SLC9C2: variants seen among roughly 807,000 people sequenced by gnomAD.
The protein encoded by SLC9C2 is sodium/hydrogen exchanger 11.
A neutral mutation model predicts 140.2 loss-of-function variants in SLC9C2; 75 were observed. The observed-to-expected ratio is 0.53, with a 90% CI of 0.44 to 0.65. SLC9C2 has a LOEUF of 0.65. Among genes scored for constraint, SLC9C2 ranks in the 30% least tolerant of loss-of-function variants. The pLI is 0.00. For synonymous variants in SLC9C2, 375 were observed against 420.9 expected (o/e 0.89, Z 1.34); for missense variants, 1,074 against 1,331.8 (o/e 0.81, Z 3.01).
chr1:173,588,979 G>C (rs1453365048), intron 4 of SLC9C2, among the ~76,000 whole-genome samples: 1 of 152,172 alleles, frequency 6.6e-6, no homozygotes, highest in African/African-American at 2.4e-5. Flanking sequence ...TCAGGAAACT[G>C]AGGTGGGAGG....
rs374156893 is a variant in SLC9C2 at position 173,536,927 on chromosome 1, A to T, written c.1655+15T>A. 6.4e-7 allele frequency: 1 copy of T among 1,563,900 alleles called. No homozygotes were observed. Among genetic ancestry groups the T allele is most frequent in the African/African-American group, 1.4e-5 (1 of 73,734 alleles). ...TCAATTTTGGAAATATCAATTAAAG[A>T]AGTGTTATACTTACTTTCCTTGGAT... is the stretch of plus-strand genomic sequence containing the variant. On this transcript the variant is annotated intron_variant, in intron 14 of 27. Coordinates refer to ENST00000367714, the MANE Select transcript of SLC9C2 (RefSeq NM_178527.4).
intron 4 of SLC9C2, among the ~76,000 whole-genome samples, chr1:173,595,181 T>G (rs1198667867): frequency 1.3e-5 from 2 of 152,164 alleles, no homozygotes; most frequent in Non-Finnish European, 2.9e-5. Flanking sequence ...CCTCAAGTAA[T>G]CCTAAATCCA....
At chr1:173,534,975 A>T (rs1238906717) in intron 15 of SLC9C2, among the ~76,000 whole-genome samples, 1 of 151,998 alleles carries the variant, frequency 6.6e-6, no homozygotes, top group Non-Finnish European at 1.5e-5. Flanking sequence ...AAACAAATAA[A>T]TTTAGAGGAA....
At position 173,509,639 on chromosome 1, in the gene SLC9C2, C is replaced by A. The variant is rs1659901094; in HGVS notation, c.2968G>T (p.Glu990Ter). 1 of 1,595,848 alleles carries A rather than the reference C, an allele frequency of 6.3e-7. No individual in the cohort carries two copies. Among genetic ancestry groups the A allele is most frequent in the African/African-American group, 1.4e-5 (1 of 73,296 alleles). Residue 990 changes from glutamate to a stop codon, truncating the protein, a stop_gained, in exon 24 of 28, where the codon GAA (glutamate) becomes TAA (stop). Transcript: ENST00000367714. LOFTEE classifies it high-confidence loss of function. The part of the protein sequence containing the change: ...EGFDAFWPSL[E>*]YKIWLKLALS... ...GCAAGCTTTAGCCATATTTTATATTCCAGAGATGGCCAGAAGGCATCAAAG... is the reference window on the plus strand; with the variant it reads ...GCAAGCTTTAGCCATATTTTATATTACAGAGATGGCCAGAAGGCATCAAAG...
intron 11 of SLC9C2, 35 bp downstream of exon 11, chr1:173,554,698 C>T: frequency 1.5e-6 from 2 of 1,328,564 alleles, no homozygotes; most frequent in Admixed American, 1.7e-5. Flanking sequence ...GTATTATTCT[C>T]CCCAGCTAAT....
intron 23 of SLC9C2, among the ~76,000 whole-genome samples, chr1:173,512,938 T>A (rs1333228632): frequency 6.6e-6 from 1 of 152,264 alleles, no homozygotes; most frequent in Non-Finnish European, 1.5e-5. Context: ...TCTGTTTATC[T>A]GATGGATTAT....
chr1:173,503,246 C>T lies in SLC9C2; in HGVS notation c.3371+20G>A. The T allele has an allele frequency of 5.0e-6, 8 of 1,603,406 alleles. No homozygotes were observed. Among genetic ancestry groups the T allele is most frequent in the Non-Finnish European group, 6.0e-6 (7 of 1,173,182 alleles). ...ATTTGCAATAAGAAAAAATTCTAAT[C>T]AAAGTGTCAAGTTTATTACCTCATC... On this transcript the variant is annotated intron_variant, in intron 27 of 27. Coordinates refer to ENST00000367714, the MANE Select transcript of SLC9C2 (RefSeq NM_178527.4).
chr1:173,552,743 G>T (rs1041435636), intron 11 of SLC9C2, among the ~76,000 whole-genome samples: 1 of 152,176 alleles, frequency 6.6e-6, no homozygotes, highest in Admixed American at 6.5e-5. Flanking sequence ...ACTTAGTCAT[G>T]CAAGAGCTCT....
intron 13 of SLC9C2, among the ~76,000 whole-genome samples, chr1:173,545,180 T>TCTGATA (rs1487211921): frequency 6.6e-6 from 1 of 152,194 alleles, no homozygotes; most frequent in Non-Finnish European, 1.5e-5. Context: ...ATCTGCATTG[T>TCTGATA]CTGATACAGT....
intron 26 of SLC9C2, among the ~76,000 whole-genome samples, chr1:173,504,209 T>G (rs1659472930): frequency 6.6e-6 from 1 of 152,164 alleles, no homozygotes; most frequent in Admixed American, 6.5e-5. Context: ...ATCACAGTGC[T>G]GCATATGACC....
At chr1:173,503,520 C>T (rs950276161) in intron 26 of SLC9C2, among the ~76,000 whole-genome samples, 194 bp from the exon 27 acceptor site, 1 of 152,160 alleles carries the variant, frequency 6.6e-6, no homozygotes, top group Non-Finnish European at 1.5e-5. Flanking sequence ...CAAGGGCTGA[C>T]AAACTCATAT....
intron 24 of SLC9C2, among the ~76,000 whole-genome samples, chr1:173,509,317 C>T (rs181830906): frequency 2.2e-3 from 330 of 151,946 alleles, no homozygotes; most frequent in Middle Eastern, 6.8e-3. Flanking sequence ...TGGGGGCAGG[C>T]GCCTATAATC....
intron 13 of SLC9C2, 57 bp downstream of exon 13, chr1:173,547,632 A>G (rs1662945592): frequency 3.1e-6 from 4 of 1,300,610 alleles, no homozygotes; most frequent in African/African-American, 1.5e-5. Context: ...ATCATATGCA[A>G]GGATCAAAGA....
At chr1:173,536,482 C>T (rs959281739) in intron 14 of SLC9C2, among the ~76,000 whole-genome samples, 5 of 152,200 alleles carry the variant, frequency 3.3e-5, no homozygotes, top group African/African-American at 1.2e-4. Flanking sequence ...CTTAATTGCA[C>T]TTGTCAGCAC....
intron 11 of SLC9C2, among the ~76,000 whole-genome samples, chr1:173,549,866 G>A (rs1303816621): frequency 1.3e-5 from 2 of 152,158 alleles, no homozygotes; most frequent in African/African-American, 2.4e-5. Context: ...TGTCATGATA[G>A]TACAATCCCT....
chr1:173,574,678 T>A (rs1665052121), intron 8 of SLC9C2, among the ~76,000 whole-genome samples: 1 of 151,294 alleles, frequency 6.6e-6, no homozygotes, highest in Admixed American at 6.6e-5. Flanking sequence ...GCCCGGCTAA[T>A]TTTTTGTATT....
intron 9 of SLC9C2, among the ~76,000 whole-genome samples, chr1:173,566,975 G>A (rs1664513665): frequency 6.6e-6 from 1 of 151,764 alleles, no homozygotes; most frequent in Non-Finnish European, 1.5e-5. Flanking sequence ...ATTTACCTGT[G>A]TTGTATAGTT....
At chr1:173,503,444 C>T in intron 26 of SLC9C2, 118 bp from the exon 27 acceptor site, 2 of 916,346 alleles carry the variant, frequency 2.2e-6, no homozygotes, top group South Asian at 1.6e-5. Flanking sequence ...CTTTTCCCTT[C>T]CCCCTCTCAA....
At chr1:173,531,336 T>TC (rs1418225644) in intron 17 of SLC9C2, among the ~76,000 whole-genome samples, 1 of 152,142 alleles carries the variant, frequency 6.6e-6, no homozygotes, top group East Asian at 1.9e-4. Context: ...TTTTGTAAAG[T>TC]CCCTAATTAG....
Sources: allele counts gnomAD v4.1 joint callset (sites outside exome capture counted in the v4.1 genomes callset), GRCh38; gene constraint gnomAD v4.1.1; transcripts MANE v1.5; gene names NCBI Gene and HGNC (gene_info 2026-07-23, HGNC 2026-07-21).